Variants in RFTN1 observed in about 807,000 individuals in gnomAD.
The protein encoded by RFTN1 is raftlin.
A neutral mutation model predicts 46.5 loss-of-function variants in RFTN1; 26 were observed. That is an observed-to-expected ratio of 0.56 (90% CI 0.41 to 0.78). RFTN1 has a LOEUF of 0.78. Among genes scored for constraint, RFTN1 ranks in the 30% least tolerant of loss-of-function variants. The pLI is 0.00. For synonymous variants in RFTN1, 261 were observed against 284.2 expected (o/e 0.92, Z 0.82); for missense variants, 693 against 718.7 (o/e 0.96, Z 0.41).
chr3:16,482,031 C>T (rs532135279), intron 2 of RFTN1, among the ~76,000 whole-genome samples: 16 of 152,144 alleles, frequency 1.1e-4, no homozygotes, highest in Non-Finnish European at 1.6e-4. Flanking sequence ...GCCAGCACTA[C>T]GCTCCAGTGG....
Position 16,346,696 on chromosome 3 carries a change from G to A in RFTN1, c.1146+11236C>T, listed in dbSNP as rs570841199. On this transcript the variant is annotated intron_variant, in intron 7 of 9. Coordinates refer to ENST00000334133, the MANE Select transcript of RFTN1 (RefSeq NM_015150.2). This position sits in a 1 kb window ranked among gnomAD's most constrained non-coding sequence, Gnocchi z 4.4. The stretch of plus-strand genomic sequence containing the variant: ...GAGGAAATCTCTGTTGTGGGTTTCT[G>A]GGAAAGCTTTTACTTGCTAATAAAA... 6.6e-6 allele frequency among the ~76,000 whole-genome samples: 1 copy of A among 152,258 alleles called. No homozygotes were observed. Among genetic ancestry groups the A allele is most frequent in the African/African-American group, 2.4e-5 (1 of 41,514 alleles).
At position 16,323,410 on chromosome 3, in the gene RFTN1, C is replaced by A. The variant is rs1288804740; in HGVS notation, c.1298G>T (p.Cys433Phe). 1.9e-6 allele frequency: 3 copies of A among 1,612,352 alleles called. No individual in the cohort carries two copies. Among genetic ancestry groups the A allele is most frequent in the East Asian group, 2.2e-5 (1 of 44,886 alleles). Residue 433 changes from cysteine to phenylalanine, a missense_variant, in exon 9 of 10, where the codon TGT (cysteine) becomes TTT (phenylalanine). Cys to Phe is a radical substitution (Grantham distance 205, BLOSUM62 -2). Coordinates refer to ENST00000334133, the MANE Select transcript of RFTN1 (RefSeq NM_015150.2). ...CTTCTTCTTGATTTTCTGAGGTAGA[C>A]AAGGTCTCTGAAGAAAGACAATCTG... ...TKQIVFLQRP[C>F]LPQKIKKKES...
chr3:16,372,501 CAGTCAAGCACA>C (rs2073559973), intron 5 of RFTN1, among the ~76,000 whole-genome samples: 1 of 152,116 alleles, frequency 6.6e-6, no homozygotes, highest in Non-Finnish European at 1.5e-5. Flanking sequence ...CAGCCTGCTA[CAGTCAAGCACA>C]AATGCAAATG....
At chr3:16,331,618 C>T (rs909491865) in intron 7 of RFTN1, among the ~76,000 whole-genome samples, 11 of 152,274 alleles carry the variant, frequency 7.2e-5, no homozygotes, top group East Asian at 1.9e-4. Flanking sequence ...TAATGCTCAT[C>T]GATAAATATT....
At chr3:16,488,381 G>C (rs895053139) in intron 2 of RFTN1, among the ~76,000 whole-genome samples, 10 of 152,302 alleles carry the variant, frequency 6.6e-5, no homozygotes, top group South Asian at 4.1e-4. Context: ...TTACAGGCGT[G>C]AGCCACTGCA....
rs1179995527 is a variant in RFTN1 at position 16,447,939 on chromosome 3, C to T, written c.146-13902G>A. ...TGCTTATAAGGAATCTTTAGATTTT[C>T]TCTAATGTATTATTTCTTCCCTCTC... On this transcript the variant is annotated intron_variant, in intron 2 of 9. Coordinates refer to ENST00000334133, the MANE Select transcript of RFTN1 (RefSeq NM_015150.2). This position sits in a 1 kb window ranked among gnomAD's most constrained non-coding sequence, Gnocchi z 5.9. 6.6e-6 allele frequency among the ~76,000 whole-genome samples: 1 copy of T among 152,044 alleles called. No individual in the cohort carries two copies. The highest frequency in any genetic ancestry group is 1.5e-5 in the Non-Finnish European group (1 of 67,998).
intron 3 of RFTN1, 134 bp from the exon 4 acceptor site, chr3:16,409,617 A>G (rs2074940543): frequency 1.7e-6 from 1 of 579,790 alleles, no homozygotes; most frequent in Admixed American, 2.3e-5. Flanking sequence ...TCCCGGGTTC[A>G]AGCAATTGTC....
chr3:16,364,847 A>G (rs2073053865), intron 6 of RFTN1, among the ~76,000 whole-genome samples: 1 of 152,190 alleles, frequency 6.6e-6, no homozygotes, highest in Admixed American at 6.5e-5. Context: ...CAGTGTTTCA[A>G]GTAGGGACTG....
chr3:16,334,305 T>G lies in RFTN1; in HGVS notation c.1147-7429A>C, dbSNP rs2070642248. ...TGGGGAAGCATGCGTTCTTGTACAT[T>G]GCTAGTGGAAGGGCTCATTGATTCA... On this transcript the variant is annotated intron_variant, in intron 7 of 9. Transcript: ENST00000334133. This position sits in a 1 kb window ranked among gnomAD's most constrained non-coding sequence, Gnocchi z 4.3. Among the ~76,000 whole-genome samples the G allele has an allele frequency of 6.6e-6, 1 of 152,202 alleles. No individual in the cohort carries two copies.
Position 16,385,618 on chromosome 3 carries a change from T to C in RFTN1, c.442-7516A>G, listed in dbSNP as rs1372454236. ...AATATTCATTTATTCATTCCATAACTACTTACTGAATACCAATTGGAATCA... is the reference window on the plus strand; with the variant it reads ...AATATTCATTTATTCATTCCATAACCACTTACTGAATACCAATTGGAATCA... On this transcript the variant is annotated intron_variant, in intron 4 of 9. Coordinates refer to ENST00000334133, the MANE Select transcript of RFTN1 (RefSeq NM_015150.2). The surrounding 1 kb of genome is among the most constrained non-coding windows in gnomAD (Gnocchi z 5.0). 3.9e-5 allele frequency among the ~76,000 whole-genome samples: 6 copies of C among 152,218 alleles called. No individual in the cohort carries two copies. Among genetic ancestry groups the C allele is most frequent in the Admixed American group, 2.0e-4 (3 of 15,288 alleles).
Position 16,317,106 on chromosome 3 carries a change from T to C in RFTN1, c.1459A>G (p.Lys487Glu), listed in dbSNP as rs559765198. 2.7e-5 allele frequency: 44 copies of C among 1,614,014 alleles called. No homozygotes were observed. The East Asian group carries it at 8.5e-4, about 31-fold the overall frequency. The change falls in exon 10 of 10, where the codon AAA (lysine) becomes GAA (glutamate). Residue 487 changes from lysine to glutamate, a missense_variant. Coordinates refer to ENST00000334133, the MANE Select transcript of RFTN1 (RefSeq NM_015150.2). The surrounding 1 kb of genome is among the most constrained non-coding windows in gnomAD (Gnocchi z 4.3). ...ACACAGTTTCCCATGTCTCCAGCTT[T>C]GGAAGACTGGTCTTCTAAGTTCTTC... The part of the protein sequence containing the change: ...NEKNLEDQSS[K>E]AGDMGNCVSG...
chr3:16,397,996 C>T (rs1001768910), intron 4 of RFTN1, among the ~76,000 whole-genome samples: 1 of 152,070 alleles, frequency 6.6e-6, no homozygotes, highest in African/African-American at 2.4e-5. Context: ...CCTATAATCC[C>T]AGCACTTTGG....
intron 4 of RFTN1, among the ~76,000 whole-genome samples, chr3:16,405,073 C>A (rs1262160850): frequency 6.6e-6 from 1 of 152,112 alleles, no homozygotes; most frequent in East Asian, 1.9e-4. Context: ...GAATGAACAG[C>A]AATTTGAAGA....
intron 2 of RFTN1, among the ~76,000 whole-genome samples, chr3:16,492,680 C>T (rs563603545): frequency 6.6e-6 from 1 of 152,122 alleles, no homozygotes; most frequent in Non-Finnish European, 1.5e-5. Flanking sequence ...CTCCTGGGAC[C>T]CAAAAAGAAT....
At chr3:16,318,359 G>C (rs2068662731) in intron 9 of RFTN1, among the ~76,000 whole-genome samples, 1 of 152,142 alleles carries the variant, frequency 6.6e-6, no homozygotes. Flanking sequence ...GAGAAAAAGG[G>C]AGCTCTCAGT....
rs1294745178 is a variant in RFTN1, at chr3:16,327,567, G to A, written c.1147-691C>T. Among the ~76,000 whole-genome samples, 4 of 152,044 alleles carry A rather than the reference G, an allele frequency of 2.6e-5. No individual in the cohort carries two copies. Among genetic ancestry groups the A allele is most frequent in the Non-Finnish European group, 4.4e-5 (3 of 68,002 alleles). Reference sequence around the variant, plus strand: ...ATGGTCAGGAGATCAAGACCATCCTGGCTAACACAGTGAAACCCCGTCTCT... The same window carrying A: ...ATGGTCAGGAGATCAAGACCATCCTAGCTAACACAGTGAAACCCCGTCTCT... On this transcript the variant is annotated intron_variant, in intron 7 of 9. Coordinates refer to ENST00000334133, the MANE Select transcript of RFTN1 (RefSeq NM_015150.2). This position sits in a 1 kb window ranked among gnomAD's most constrained non-coding sequence, Gnocchi z 4.2.
In RFTN1 at chr3:16,425,119, A is replaced by G. The variant is rs2075265253; in HGVS notation, c.332+8732T>C. Among the ~76,000 whole-genome samples the G allele has an allele frequency of 6.6e-6, 1 of 152,246 alleles. No individual in the cohort carries two copies. Among genetic ancestry groups the G allele is most frequent in the South Asian group, 2.1e-4 (1 of 4,832 alleles). On this transcript the variant is annotated intron_variant, in intron 3 of 9. Transcript: ENST00000334133. The surrounding 1 kb of genome is among the most constrained non-coding windows in gnomAD (Gnocchi z 4.3). ...TATAAATAGAAAACTCCAACGCTTTAGTAAAATTATTTGCAACTAAATTAC... is the reference window on the plus strand; with the variant it reads ...TATAAATAGAAAACTCCAACGCTTTGGTAAAATTATTTGCAACTAAATTAC...
Position 16,316,529 on chromosome 3 carries a change from C to A in RFTN1, c.*299G>T, listed in dbSNP as rs1443456616. ...GAGGACAGGCACTGGATGGTCCAGA[C>A]CCTCTGGCTGGAGGAGTGGTGGAGC... On this transcript the variant is annotated 3_prime_UTR_variant, in exon 10 of 10. Transcript: ENST00000334133. The surrounding 1 kb of genome is among the most constrained non-coding windows in gnomAD (Gnocchi z 4.5). The A allele has an allele frequency of 3.6e-5, 16 of 439,280 alleles. No individual in the cohort carries two copies. The highest frequency in any genetic ancestry group is 6.6e-5 in the Non-Finnish European group (16 of 241,078). The allele number at this position is 439,280 out of a possible 1,614,324, so 27.2% of individuals were successfully genotyped here. A position where few individuals can be genotyped will look rare whatever the true frequency, so the allele number is the denominator to read the frequency against.
chr3:16,448,121 G>GT lies in RFTN1; in HGVS notation c.146-14085dup, dbSNP rs2075764931. Among the ~76,000 whole-genome samples, 2 of 147,948 alleles carry GT rather than the reference G, an allele frequency of 1.4e-5. No individual in the cohort carries two copies. Among genetic ancestry groups the GT allele is most frequent in the African/African-American group, 2.5e-5 (1 of 39,890 alleles). Reference sequence around the variant, plus strand: ...ATACACACAGGATTTCAAAGACTTGGTAAAAAAAAAAAAAGTCTCCCAATA... The same window carrying GT: ...ATACACACAGGATTTCAAAGACTTGGTTAAAAAAAAAAAAAGTCTCCCAATA... On this transcript the variant is annotated intron_variant, in intron 2 of 9. Coordinates refer to ENST00000334133, the MANE Select transcript of RFTN1 (RefSeq NM_015150.2). The surrounding 1 kb of genome is among the most constrained non-coding windows in gnomAD (Gnocchi z 4.1).
Sources: allele counts gnomAD v4.1 joint callset (sites outside exome capture counted in the v4.1 genomes callset), GRCh38; gene constraint gnomAD v4.1.1; non-coding constraint Gnocchi (gnomAD v3.1); transcripts MANE v1.5; gene names NCBI Gene and HGNC (gene_info 2026-07-23, HGNC 2026-07-21).